The following DNAH12 variants were observed in gnomAD, a reference collection of about 807,000 sequenced individuals.
DNAH12 encodes axonemal beta dynein heavy chain 12.
Under a neutral mutation model 371.5 loss-of-function variants are expected in DNAH12, and 285 were observed. The ratio of observed to expected loss-of-function variants is 0.77; its 90% CI spans 0.70 to 0.85. The LOEUF (loss-of-function observed/expected upper bound fraction) is 0.85, where lower values mean the gene tolerates loss of function less well. DNAH12 is among the 40% of genes least tolerant of loss of function. DNAH12 has a pLI of 0.00. For missense variants in DNAH12, 3,611 were observed against 3,689.4 expected (o/e 0.98, Z 0.55); for synonymous variants, 1,200 against 1,213.0 (o/e 0.99, Z 0.22).
chr3:57,369,232 T>C (rs1273368762), intron 55 of DNAH12, among the ~76,000 whole-genome samples: 4 of 122,716 alleles, frequency 3.3e-5, no homozygotes, highest in Admixed American at 2.6e-4. Context: ...AAAAAAAATA[T>C]ATATATATAT....
At chr3:57,329,085 T>G (rs1385679490) in intron 62 of DNAH12, among the ~76,000 whole-genome samples, 1 of 149,096 alleles carries the variant, frequency 6.7e-6, no homozygotes, top group Non-Finnish European at 1.5e-5. Context: ...TGGAGGAACA[T>G]TCCATGCTCA....
chr3:57,426,348 T>C (rs1011093272), intron 34 of DNAH12, among the ~76,000 whole-genome samples: 2 of 152,286 alleles, frequency 1.3e-5, no homozygotes, highest in Middle Eastern at 3.4e-3. Context: ...AAAGGATTTG[T>C]GTTTTGGAAA....
intron 13 of DNAH12, among the ~76,000 whole-genome samples, chr3:57,480,838 A>T (rs751243904): frequency 6.6e-6 from 1 of 152,208 alleles, no homozygotes; most frequent in Non-Finnish European, 1.5e-5. Flanking sequence ...ATCTCAATAG[A>T]TGCGGAAAAG....
At chr3:57,527,507 G>A (rs2068690900) in intron 2 of DNAH12, among the ~76,000 whole-genome samples, 1 of 152,216 alleles carries the variant, frequency 6.6e-6, no homozygotes, top group Non-Finnish European at 1.5e-5. Context: ...GGTGAAGGAA[G>A]AGCAGGCATG....
At chr3:57,528,737 A>C (rs962776751) in intron 2 of DNAH12, among the ~76,000 whole-genome samples, 18 of 151,724 alleles carry the variant, frequency 1.2e-4, no homozygotes, top group Admixed American at 1.3e-4. Context: ...AAAAAAAAAA[A>C]AACAATATTA....
intron 69 of DNAH12, among the ~76,000 whole-genome samples, chr3:57,305,884 A>G (rs537100692): frequency 6.6e-6 from 1 of 152,302 alleles, no homozygotes; most frequent in East Asian, 1.9e-4. Context: ...CCAGCACACA[A>G]GAACTTCAAA....
At position 57,508,276 on chromosome 3, in the gene DNAH12, T is replaced by C; in HGVS notation, c.701+106A>G. On this transcript the variant is annotated intron_variant, in intron 7 of 73. Transcript: ENST00000495027. ...ATACATTTTTTTAAACTCTAAAATC[T>C]AGAGAAAAGTGTTGAAGATTTAGGA... The C allele has an allele frequency of 2.7e-6, 3 of 1,102,556 alleles. No individual in the cohort carries two copies. In the East Asian group the frequency reaches 8.9e-5, roughly 33 times the overall value. 68.3% of individuals were successfully genotyped at this position (1,102,556 alleles called of 1,614,324 possible). A position where few individuals can be genotyped will look rare whatever the true frequency, so the allele number is the denominator to read the frequency against.
chr3:57,382,387 C>T lies in DNAH12; in HGVS notation c.7867G>A (p.Asp2623Asn), dbSNP rs913433481. Residue 2623 changes from aspartate (D) to asparagine (N), a missense_variant, in exon 50 of 74, where the codon GAC becomes AAC. Coordinates refer to ENST00000495027, the MANE Select transcript of DNAH12 (RefSeq NM_001366028.2). ...TTCATTGATTTCACAATCGTAATGT[C>T]GGCTGGCTAAAAGAAAAAAACAAAA... ...LSALDTLKPA[D>N]ITIVKSMKNP... The T allele has an allele frequency of 8.6e-5, 13 of 151,890 alleles. No homozygotes were observed. In the East Asian group the frequency reaches 2.3e-3, roughly 27 times the overall value. The allele number at this position is 151,890 out of a possible 1,614,324, so 9.4% of individuals were successfully genotyped here.
At chr3:57,385,191 A>G (rs2063476928) in intron 48 of DNAH12, among the ~76,000 whole-genome samples, 158 bp downstream of exon 48, 1 of 152,228 alleles carries the variant, frequency 6.6e-6, no homozygotes, top group Non-Finnish European at 1.5e-5. Flanking sequence ...AATTCCTTCA[A>G]AAAAGACAGA....
intron 55 of DNAH12, among the ~76,000 whole-genome samples, chr3:57,371,965 A>AAAAAAAAAAAAAAAAAAAAT (rs1366790985): frequency 7.0e-6 from 1 of 142,576 alleles, no homozygotes; most frequent in African/African-American, 2.6e-5. Context: ...AAAAAAAAAA[A>AAAAAAAAAAAAAAAAAAAAT]TTCTTTCAAA....
rs376634269 is a variant in DNAH12 at position 57,326,143 on chromosome 3, T to C, written c.9979-2524A>G. On this transcript the variant is annotated intron_variant, in intron 62 of 73. Coordinates refer to ENST00000495027, the MANE Select transcript of DNAH12 (RefSeq NM_001366028.2). ...AAGTTGGAAAACACTCTGCAGGATATTATCCAGGAGAACTTCCCCAATCTA... is the reference window on the plus strand; with the variant it reads ...AAGTTGGAAAACACTCTGCAGGATACTATCCAGGAGAACTTCCCCAATCTA... Among the ~76,000 whole-genome samples, 69 of 151,956 alleles carry C rather than the reference T, an allele frequency of 4.5e-4. 2 individuals are homozygous for C. The East Asian group carries it at 0.012, about 26-fold the overall frequency.
At chr3:57,526,470 CT>C (rs1243887859) in intron 2 of DNAH12, among the ~76,000 whole-genome samples, 4 of 149,336 alleles carry the variant, frequency 2.7e-5, no homozygotes, top group Non-Finnish European at 5.9e-5. Flanking sequence ...AGAATGGCTA[CT>C]CCATAGACAG....
chr3:57,502,245 G>T, intron 10 of DNAH12, 78 bp downstream of exon 10: 2 of 1,563,578 alleles, frequency 1.3e-6, no homozygotes, highest in Non-Finnish European at 1.7e-6. Flanking sequence ...GGCAGCCCCA[G>T]ACAAACAAAC....
rs2067536287 is a variant in DNAH12 at position 57,501,322 on chromosome 3, T to C, written c.1334A>G (p.Glu445Gly). Residue 445 changes from glutamate to glycine, a missense_variant and splice_region_variant, in exon 11 of 74, where the codon GAG (glutamate) becomes GGG (glycine). This residue lies in a region of DNAH12 where 1,314 missense variants were observed against 1,398.7 expected (regional missense o/e 0.94). Coordinates refer to ENST00000495027, the MANE Select transcript of DNAH12 (RefSeq NM_001366028.2). ...TEDHTFDEYTEFIEKFLSLAS... is the reference protein window; with the variant it reads ...TEDHTFDEYTGFIEKFLSLAS... ...AATAAAAACAGAATTACCGCTTACC[T>C]CTGTATATTCATCAAAAGTATGATC... 6.2e-7 allele frequency: 1 copy of C among 1,601,720 alleles called. No individual in the cohort carries two copies. The highest frequency in any genetic ancestry group is 8.5e-7 in the Non-Finnish European group (1 of 1,175,648).
intron 17 of DNAH12, among the ~76,000 whole-genome samples, chr3:57,464,497 C>A (rs945635954): frequency 6.6e-6 from 1 of 152,076 alleles, no homozygotes; most frequent in Non-Finnish European, 1.5e-5. Flanking sequence ...AGTGACCTAG[C>A]GGTAAAGAAA....
At chr3:57,296,554 A>G (rs986827280) in intron 71 of DNAH12, 119 bp from the exon 72 acceptor site, 16 of 814,712 alleles carry the variant, frequency 2.0e-5, no homozygotes, top group Non-Finnish European at 3.0e-5. Flanking sequence ...ATAGCTTGTT[A>G]AACTATACAT....
intron 62 of DNAH12, among the ~76,000 whole-genome samples, chr3:57,332,101 T>C (rs1486741372): frequency 2.0e-5 from 3 of 152,238 alleles, no homozygotes; most frequent in Non-Finnish European, 4.4e-5. Context: ...GTGATAGTCT[T>C]GAACAAAGTC....
chr3:57,462,232 G>T (rs1376854262), intron 18 of DNAH12, among the ~76,000 whole-genome samples: 1 of 122,378 alleles, frequency 8.2e-6, no homozygotes, highest in Non-Finnish European at 1.8e-5. Flanking sequence ...CTTTGGGGGG[G>T]AGGAAAGAGT....
the DNAH12 span, among the ~76,000 whole-genome samples, chr3:57,551,633 G>T: frequency 6.6e-6 from 1 of 152,052 alleles, no homozygotes; most frequent in East Asian, 1.9e-4. Flanking sequence ...TTAACTCTTA[G>T]TAACCCTAAT....
Sources: allele counts gnomAD v4.1 joint callset (sites outside exome capture counted in the v4.1 genomes callset), GRCh38; gene constraint gnomAD v4.1.1; regional missense constraint gnomAD v4.1.1; transcripts MANE v1.5; gene names NCBI Gene and HGNC (gene_info 2026-07-23, HGNC 2026-07-21).